Variants in LGI3 observed in about 807,000 individuals in gnomAD.
LGI3 encodes the protein leucine rich repeat LGI family member 3.
LGI3 carries 47 observed loss-of-function variants against 55.4 expected under a neutral mutation model. The ratio of observed to expected loss-of-function variants is 0.85; its 90% CI spans 0.67 to 1.08. The LOEUF (loss-of-function observed/expected upper bound fraction) is 1.08, where lower values mean the gene tolerates loss of function less well. Among genes scored for constraint, LGI3 ranks in the 50% least tolerant of loss-of-function variants. LGI3 has a pLI of 0.00. For synonymous variants in LGI3, 326 were observed against 315.0 expected, an observed-to-expected ratio of 1.04 and a Z score of -0.37; for missense variants, 664 against 726.3, an observed-to-expected ratio of 0.91 and a Z score of 0.99.
rs1395758756 is a variant in LGI3 at position 22,156,551 on chromosome 8, C to T, written c.-9G>A. 1.9e-5 allele frequency: 23 copies of T among 1,189,566 alleles called. No individual in the cohort carries two copies. In the Middle Eastern group the frequency reaches 2.1e-3, roughly 111 times the overall value. The allele number at this position is 1,189,566 out of a possible 1,614,324, so 73.7% of individuals were successfully genotyped here. A position where few individuals can be genotyped will look rare whatever the true frequency, so the allele number is the denominator to read the frequency against. ...GCCCGCAGCCCCGCCATGCTGCCCGCGATCTCTCCCTGGGGCCGGCGGCCG... is the reference window on the plus strand; with the variant it reads ...GCCCGCAGCCCCGCCATGCTGCCCGTGATCTCTCCCTGGGGCCGGCGGCCG... On this transcript the variant is annotated 5_prime_UTR_variant, in exon 1 of 8. Transcript: ENST00000306317.
At position 22,155,404 on chromosome 8, in the gene LGI3, A is replaced by C. The variant is rs917147593; in HGVS notation, c.266T>G (p.Leu89Arg). The change falls in exon 2 of 8, where the codon CTG becomes CGG. Residue 89 changes from leucine to arginine, a missense_variant. By Grantham distance (102) the Leu-to-Arg change is moderately radical. Transcript: ENST00000306317. Reference sequence around the variant, plus strand: ...GCCCTATCCATACAAGAACTGCAGCAGCGGGAGGTGGGAGAACGCTCCATC... The same window carrying C: ...GCCCTATCCATACAAGAACTGCAGCCGCGGGAGGTGGGAGAACGCTCCATC... Reference protein sequence around the residue: ...IQDGAFSHLPLLQFLLLNSNK... With the variant: ...IQDGAFSHLPRLQFLLLNSNK... The C allele has an allele frequency of 3.7e-6, 6 of 1,613,792 alleles. No homozygotes were observed. Among genetic ancestry groups the C allele is most frequent in the Non-Finnish European group, 8.5e-7 (1 of 1,179,972 alleles).
At chr8:22,152,048 C>T (rs1242959943) in intron 5 of LGI3, 48 bp from the exon 6 acceptor site, 17 of 1,486,486 alleles carry the variant, frequency 1.1e-5, no homozygotes, top group Non-Finnish European at 1.5e-5. Flanking sequence ...GACATGCTCT[C>T]AGGGCTCTGC....
intron 1 of LGI3, 142 bp from the exon 2 acceptor site, chr8:22,155,605 GTCTT>G (rs1827480170): frequency 1.4e-6 from 1 of 696,220 alleles, no homozygotes; most frequent in Non-Finnish European, 2.5e-6. Flanking sequence ...CCATCTGTGT[GTCTT>G]TCCCTTCTCC....
intron 5 of LGI3, 110 bp from the exon 6 acceptor site, chr8:22,152,110 A>G (rs1238527181): frequency 7.4e-6 from 6 of 812,582 alleles, no homozygotes; most frequent in South Asian, 1.9e-5. Flanking sequence ...GGCTGCTGCA[A>G]GTTGCTCACA....
At chr8:22,149,015 G>A (rs747807263) in intron 7 of LGI3, 38 bp from the exon 8 acceptor site, 27 of 1,493,800 alleles carry the variant, frequency 1.8e-5, no homozygotes, top group Middle Eastern at 2.2e-4. Context: ...CAGGCAGGCC[G>A]GCGGCTCCCA....
Position 22,154,574 on chromosome 8 carries a change from C to T in LGI3, c.336G>A (p.Ser112=), listed in dbSNP as rs145703160. ...LIGDNAFTGL[S]HLQYLFIENN... ...CTCCCACACACAGATACTGCAGGTG[C>T]GACAGTCCTGTGAAGGCGTTGTCTC... Residue 112 remains serine (S), a synonymous_variant, in exon 3 of 8, where the codon TCG becomes TCA. Transcript: ENST00000306317. The T allele has an allele frequency of 4.5e-4, 729 of 1,613,894 alleles. 3 individuals carry two copies. In the African/African-American group the frequency reaches 8.6e-3, roughly 19 times the overall value.
At position 22,151,508 on chromosome 8, in the gene LGI3, T is replaced by C. The variant is rs770499733; in HGVS notation, c.810A>G (p.Arg270=). ...AGGTACCTGGGATTCTATCATAGTC[T>C]CGAAGCTGCCGCTCAACATAGTCCC... The part of the protein sequence containing the change: ...LKWDYVERQL[R]DYDRIPAPSA... Residue 270 remains arginine (R), a synonymous_variant, in exon 7 of 8, where the codon CGA becomes CGG. Coordinates refer to ENST00000306317, the MANE Select transcript of LGI3 (RefSeq NM_139278.4). The C allele has an allele frequency of 1.5e-5, 25 of 1,613,956 alleles. No individual in the cohort carries two copies. Among genetic ancestry groups the C allele is most frequent in the Non-Finnish European group, 1.9e-5 (23 of 1,179,988 alleles).
At chr8:22,152,027 G>C in intron 5 of LGI3, 27 bp from the exon 6 acceptor site, 1 of 1,558,430 alleles carries the variant, frequency 6.4e-7, no homozygotes, top group Non-Finnish European at 8.7e-7. Context: ...GAGGAGGGGG[G>C]CACAGAGAAA....
chr8:22,151,789 G>C, intron 6 of LGI3, 42 bp downstream of exon 6: 1 of 1,582,350 alleles, frequency 6.3e-7, no homozygotes, highest in Non-Finnish European at 8.6e-7. Context: ...AGCTGCCTTG[G>C]GGTAGGCGTG....
In LGI3 at chr8:22,156,528, C is replaced by T; in HGVS notation, c.15G>A (p.Arg5=). The change falls in exon 1 of 8, where the codon CGG becomes CGA. Residue 5 remains arginine, a synonymous_variant. Coordinates refer to ENST00000306317, the MANE Select transcript of LGI3 (RefSeq NM_139278.4). MAGL[R]ARGGPGPGLL... is the part of the protein sequence containing the mutation. ...GCCCCGGCCCCGGGCCCCCCCTGGC[C>T]CGCAGCCCCGCCATGCTGCCCGCGA... 1 of 1,330,088 alleles carries T rather than the reference C, an allele frequency of 7.5e-7. No homozygotes were observed. Among genetic ancestry groups the T allele is most frequent in the East Asian group, 3.1e-5 (1 of 32,622 alleles). 82.4% of individuals were successfully genotyped at this position (1,330,088 alleles called of 1,614,324 possible). A position where few individuals can be genotyped will look rare whatever the true frequency, so the allele number is the denominator to read the frequency against.
intron 7 of LGI3, among the ~76,000 whole-genome samples, chr8:22,149,644 C>T (rs1216555072): frequency 6.6e-6 from 1 of 152,124 alleles, no homozygotes; most frequent in Non-Finnish European, 1.5e-5. Flanking sequence ...TTCATTGGAG[C>T]CCTTCTCGGG....
Position 22,156,632 on chromosome 8 carries a change from C to A in LGI3, c.-90G>T, listed in dbSNP as rs575210984. 62 of 341,204 alleles carry A rather than the reference C, an allele frequency of 1.8e-4. No individual in the cohort carries two copies. In the East Asian group the frequency reaches 3.8e-3, roughly 21 times the overall value. 21.1% of individuals were successfully genotyped at this position (341,204 alleles called of 1,614,324 possible). ...GCCACCCCGCGCGGGCTGGCACCTC[C>A]CTGCCACCGGCAGCTGCTACCGCAG... On this transcript the variant is annotated 5_prime_UTR_variant, in exon 1 of 8. Transcript: ENST00000306317.
In LGI3 at chr8:22,154,031, G is replaced by GC; in HGVS notation, c.430dup (p.Ala144GlyfsTer4). On this transcript the variant is annotated frameshift_variant, in exon 5 of 8. Transcript: ENST00000306317. LOFTEE classifies it high-confidence loss of function. The stretch of plus-strand genomic sequence containing the variant: ...GGGCAGTGTCTGCAGGTTATTGTTG[G>GC]CCAGCGAGCTGCAAAAGAGACCGCC... 2 of 1,614,186 alleles carry GC rather than the reference G, an allele frequency of 1.2e-6. No individual in the cohort carries two copies. Among genetic ancestry groups the GC allele is most frequent in the Non-Finnish European group, 1.7e-6 (2 of 1,180,022 alleles).
At chr8:22,149,129 C>T (rs1827346571) in intron 7 of LGI3, 152 bp from the exon 8 acceptor site, 18 of 606,232 alleles carry the variant, frequency 3.0e-5, no homozygotes, top group East Asian at 5.5e-5. Context: ...ATCCACTAAG[C>T]GCTCAATGCT....
intron 7 of LGI3, among the ~76,000 whole-genome samples, chr8:22,149,294 C>A (rs762964594): frequency 6.6e-6 from 1 of 152,186 alleles, no homozygotes; most frequent in East Asian, 1.9e-4. Context: ...ATTTTTATTG[C>A]GTGCAGTCAC....
chr8:22,148,934 C>T lies in LGI3; in HGVS notation c.873G>A (p.Gln291=), dbSNP rs940166883. 6.2e-7 allele frequency: 1 copy of T among 1,613,890 alleles called. No homozygotes were observed. The highest frequency in any genetic ancestry group is 8.5e-7 in the Non-Finnish European group (1 of 1,179,876). Residue 291 remains glutamine (Q), a synonymous_variant, in exon 8 of 8, where the codon CAG becomes CAA. Coordinates refer to ENST00000306317, the MANE Select transcript of LGI3 (RefSeq NM_139278.4). The surrounding 1 kb of genome is among the most constrained non-coding windows in gnomAD (Gnocchi z 7.0). ...VHCKPMVVDS[Q]LYVVVAQLFG... is the part of the protein sequence containing the mutation. ...ACAGCTGGGCCACGACCACGTACAG[C>T]TGGCTGTCCACCACCATCGGCTTGC...
chr8:22,150,412 G>A (rs1424760830), intron 7 of LGI3, among the ~76,000 whole-genome samples: 3 of 126,080 alleles, frequency 2.4e-5, no homozygotes, highest in East Asian at 2.5e-4. Context: ...AGGCTGGACC[G>A]CAGTGGTGTG....
intron 7 of LGI3, among the ~76,000 whole-genome samples, chr8:22,150,865 T>C (rs764487859): frequency 2.0e-5 from 3 of 151,818 alleles, no homozygotes; most frequent in Non-Finnish European, 2.9e-5. Context: ...AATGACCTGG[T>C]ACTCATCAAT....
At position 22,151,836 on chromosome 8, in the gene LGI3, G is replaced by A. The variant is rs747960279; in HGVS notation, c.659C>T (p.Thr220Ile). The A allele has an allele frequency of 6.2e-7, 1 of 1,607,798 alleles. No individual in the cohort carries two copies. The highest frequency in any genetic ancestry group is 1.1e-5 in the South Asian group (1 of 90,314). The change falls in exon 6 of 8, where the codon ACC (threonine) becomes ATC (isoleucine). Residue 220 changes from threonine (T) to isoleucine (I), a missense_variant. By Grantham distance (89) the Thr-to-Ile change is moderately conservative. Transcript: ENST00000306317. ...AAGGCAGGGGCACCTCCTACCTGTG[G>A]TGATGCAATCGAACTCCCGCAGCGG... ...DLPLREFDCI[T>I]TDFVLYQTLA...
Sources: allele counts gnomAD v4.1 joint callset (sites outside exome capture counted in the v4.1 genomes callset), GRCh38; gene constraint gnomAD v4.1.1; non-coding constraint Gnocchi (gnomAD v3.1); transcripts MANE v1.5; gene names NCBI Gene and HGNC (gene_info 2026-07-23, HGNC 2026-07-21).